Variants in AFG1L observed in about 807,000 individuals in gnomAD.
AFG1L encodes the protein AFG1-like ATPase.
In AFG1L, 53 loss-of-function variants were observed where a neutral mutation model predicts 62.2. The ratio of observed to expected loss-of-function variants is 0.85; its 90% CI spans 0.68 to 1.07. The LOEUF (loss-of-function observed/expected upper bound fraction) is 1.07, where lower values mean the gene tolerates loss of function less well. Among genes scored for constraint, AFG1L ranks in the 50% least tolerant of loss-of-function variants. The probability of loss-of-function intolerance (pLI) is 0.00; values close to 1 mark genes in which losing one functional copy is unlikely to be tolerated. For synonymous variants in AFG1L, 228 were observed against 210.3 expected (o/e 1.08, Z -0.73); for missense variants, 555 against 590.5 (o/e 0.94, Z 0.62).
At chr6:108,322,087 T>C (rs749936564) in intron 1 of AFG1L, among the ~76,000 whole-genome samples, 6 of 152,184 alleles carry the variant, frequency 3.9e-5, no homozygotes, top group Non-Finnish European at 8.8e-5. Context: ...TTGTTATTTT[T>C]AGTAGAGATG....
intron 8 of AFG1L, among the ~76,000 whole-genome samples, chr6:108,463,451 T>C (rs746636495): frequency 7.3e-5 from 11 of 151,338 alleles, no homozygotes; most frequent in Non-Finnish European, 1.2e-4. Context: ...ATATCCTTTC[T>C]GAAATTCCAT....
At chr6:108,314,718 G>A (rs1353879178) in intron 1 of AFG1L, among the ~76,000 whole-genome samples, 3 of 151,716 alleles carry the variant, frequency 2.0e-5, no homozygotes, top group African/African-American at 4.8e-5. Context: ...TTCTTAGAGG[G>A]GTTAAGTTTA....
intron 7 of AFG1L, among the ~76,000 whole-genome samples, chr6:108,415,982 G>A (rs1263450434): frequency 3.9e-5 from 6 of 152,124 alleles, no homozygotes; most frequent in South Asian, 2.1e-4. Context: ...GAGTGAACAG[G>A]CAACCTACAG....
At chr6:108,355,801 T>A (rs1477226166) in intron 4 of AFG1L, 46 bp downstream of exon 4, 1 of 1,213,808 alleles carries the variant, frequency 8.2e-7, no homozygotes, top group Non-Finnish European at 1.2e-6. Flanking sequence ...GGGGAAACGC[T>A]ACAAAATGGT....
chr6:108,472,055 G>A (rs926887321), intron 8 of AFG1L, among the ~76,000 whole-genome samples: 22 of 152,132 alleles, frequency 1.4e-4, no homozygotes, highest in Non-Finnish European at 2.6e-4. Flanking sequence ...GGATAAAACT[G>A]GAGGACATTA....
intron 2 of AFG1L, among the ~76,000 whole-genome samples, chr6:108,339,014 C>T (rs1412125825): frequency 6.6e-6 from 1 of 152,010 alleles, no homozygotes; most frequent in Non-Finnish European, 1.5e-5. Flanking sequence ...AGATTTTTGC[C>T]ATGATGGTAT....
At chr6:108,370,438 T>C (rs1018241809) in intron 6 of AFG1L, among the ~76,000 whole-genome samples, 1 of 151,898 alleles carries the variant, frequency 6.6e-6, no homozygotes, top group African/African-American at 2.4e-5. Flanking sequence ...CTAGGGAATA[T>C]TTGGTAACAT....
At chr6:108,361,403 G>A (rs1779522834) in intron 5 of AFG1L, among the ~76,000 whole-genome samples, 3 of 152,228 alleles carry the variant, frequency 2.0e-5, no homozygotes, top group Admixed American at 2.0e-4. Flanking sequence ...CAGAAGGCCA[G>A]TCTTTCGTCT....
chr6:108,335,625 G>A (rs1161942737), intron 2 of AFG1L, among the ~76,000 whole-genome samples: 2 of 152,166 alleles, frequency 1.3e-5, no homozygotes, highest in South Asian at 2.1e-4. Context: ...TTGATGAAGC[G>A]CAGATTGGCT....
chr6:108,447,146 A>T lies in AFG1L; in HGVS notation c.808-68A>T, dbSNP rs1000523528. The stretch of plus-strand genomic sequence containing the variant: ...TTGAAAAATTTTAAAAATGTATAGT[A>T]TAAGGGAAGGATTGTAATTCTGAGC... On this transcript the variant is annotated intron_variant, in intron 7 of 12. Transcript: ENST00000368977. The T allele has an allele frequency of 1.3e-5, 10 of 784,034 alleles. No individual in the cohort carries two copies. The African/African-American group carries it at 1.7e-4, about 14-fold the overall frequency. 48.6% of individuals were successfully genotyped at this position (784,034 alleles called of 1,614,324 possible).
At chr6:108,319,796 T>C (rs1349495527) in intron 1 of AFG1L, 1 of 415,280 alleles carries the variant, frequency 2.4e-6, no homozygotes, top group Admixed American at 2.5e-5. Flanking sequence ...AATTAGGTAT[T>C]ATTTATTTAT....
chr6:108,365,866 T>C (rs1171032634), intron 5 of AFG1L, among the ~76,000 whole-genome samples: 4 of 152,054 alleles, frequency 2.6e-5, no homozygotes, highest in African/African-American at 9.7e-5. Context: ...TCTCTCTTTT[T>C]TGAGGGGGTG....
intron 10 of AFG1L, among the ~76,000 whole-genome samples, chr6:108,497,179 C>G (rs994999485): frequency 6.6e-6 from 1 of 152,256 alleles, no homozygotes; most frequent in Non-Finnish European, 1.5e-5. Flanking sequence ...TTTTCAGGAA[C>G]AACTAAACTG....
chr6:108,499,855 A>G (rs1387229677), intron 10 of AFG1L, among the ~76,000 whole-genome samples: 2 of 152,120 alleles, frequency 1.3e-5, no homozygotes, highest in Non-Finnish European at 2.9e-5. Flanking sequence ...ACATGGGTGT[A>G]TTGTATAATG....
At chr6:108,363,577 G>A (rs1582441861) in intron 5 of AFG1L, among the ~76,000 whole-genome samples, 1 of 151,802 alleles carries the variant, frequency 6.6e-6, no homozygotes, top group Admixed American at 6.6e-5. Flanking sequence ...GAATATTTAT[G>A]TTACATGTTA....
intron 6 of AFG1L, chr6:108,373,007 T>C (rs560430839): frequency 6.6e-5 from 10 of 152,200 alleles, no homozygotes; most frequent in Non-Finnish European, 1.0e-4. Context: ...AGATTTTTAT[T>C]TTTATTTATT....
intron 8 of AFG1L, among the ~76,000 whole-genome samples, chr6:108,457,000 A>C (rs1201071017): frequency 1.3e-5 from 2 of 152,142 alleles, no homozygotes; most frequent in Non-Finnish European, 2.9e-5. Context: ...GTATACTCTT[A>C]TCATGTCTGT....
intron 7 of AFG1L, among the ~76,000 whole-genome samples, chr6:108,415,782 A>T (rs942431877): frequency 6.6e-6 from 1 of 152,256 alleles, no homozygotes; most frequent in Admixed American, 6.5e-5. Context: ...AAGATGGATT[A>T]AAGACTTAAA....
chr6:108,398,163 T>C (rs1452927798), intron 6 of AFG1L, among the ~76,000 whole-genome samples: 1 of 152,252 alleles, frequency 6.6e-6, no homozygotes, highest in Non-Finnish European at 1.5e-5. Flanking sequence ...GGTGAGATGA[T>C]ACTTCATTGT....
Sources: allele counts gnomAD v4.1 joint callset (sites outside exome capture counted in the v4.1 genomes callset), GRCh38; gene constraint gnomAD v4.1.1; transcripts MANE v1.5; gene names NCBI Gene and HGNC (gene_info 2026-07-23, HGNC 2026-07-21).